TMOD1: variants seen among roughly 807,000 people sequenced by gnomAD.
TMOD1 encodes the protein tropomodulin 1.
A neutral mutation model predicts 40.6 loss-of-function variants in TMOD1; 17 were observed. The observed-to-expected ratio is 0.42, with a 90% CI of 0.29 to 0.63. The LOEUF is 0.63. Ranked by LOEUF, TMOD1 falls within the 20% of genes least tolerant of loss-of-function variation. The probability of loss-of-function intolerance (pLI) is 0.22; values close to 1 mark genes in which losing one functional copy is unlikely to be tolerated. For synonymous variants in TMOD1, 181 were observed against 175.0 expected, an observed-to-expected ratio of 1.03 and a Z score of -0.27; for missense variants, 391 against 447.6, an observed-to-expected ratio of 0.87 and a Z score of 1.14.
At position 97,600,375 on chromosome 9, in the gene TMOD1, C is replaced by G. The variant is rs115493726; in HGVS notation, c.*677C>G. 2,413 of 985,948 alleles carry G rather than the reference C, an allele frequency of 2.4e-3. 31 individuals are homozygous for G. The African/African-American group carries it at 0.038, about 15-fold the overall frequency. The allele number at this position is 985,948 out of a possible 1,614,324, so 61.1% of individuals were successfully genotyped here. On this transcript the variant is annotated 3_prime_UTR_variant, in exon 10 of 10. Transcript: ENST00000259365. Reference sequence around the variant, plus strand: ...CAAAAACCAACCTTTCATTACCAATCCCAGGCAACAAACATGTCCCTGAGT... The same window carrying G: ...CAAAAACCAACCTTTCATTACCAATGCCAGGCAACAAACATGTCCCTGAGT...
intron 8 of TMOD1, among the ~76,000 whole-genome samples, chr9:97,589,842 C>T (rs189058757): frequency 3.5e-3 from 529 of 152,016 alleles, no homozygotes; most frequent in African/African-American, 0.012. Flanking sequence ...CTGTCTTTTA[C>T]CTCCTGTTTA....
intron 8 of TMOD1, among the ~76,000 whole-genome samples, chr9:97,573,846 A>G (rs1337113785): frequency 6.6e-6 from 1 of 152,152 alleles, no homozygotes; most frequent in African/African-American, 2.4e-5. Context: ...AAGTTACACA[A>G]AGTCATTTCC....
chr9:97,600,971 AG>A lies in TMOD1; in HGVS notation c.*1275del. 1 of 1,165,822 alleles carries A rather than the reference AG, an allele frequency of 8.6e-7. No individual in the cohort carries two copies. Among genetic ancestry groups the A allele is most frequent in the Non-Finnish European group, 1.1e-6 (1 of 918,112 alleles). 72.2% of individuals were successfully genotyped at this position (1,165,822 alleles called of 1,614,324 possible). On this transcript the variant is annotated 3_prime_UTR_variant, in exon 10 of 10. Coordinates refer to ENST00000259365, the MANE Select transcript of TMOD1 (RefSeq NM_003275.4). ...GTGATTTCAGCAAATCTCATGATAA[AG>A]GACAAGGTCAAGAACTCCAGAGCAC...
chr9:97,571,334 T>G (rs1830814687), intron 8 of TMOD1, among the ~76,000 whole-genome samples: 1 of 152,222 alleles, frequency 6.6e-6, no homozygotes, highest in Admixed American at 6.5e-5. Context: ...TGCTAACCAT[T>G]GCCCTTACCT....
chr9:97,601,055 T>C lies in TMOD1; in HGVS notation c.*1357T>C. The C allele has an allele frequency of 7.7e-7, 1 of 1,303,698 alleles. No individual in the cohort carries two copies. Among genetic ancestry groups the C allele is most frequent in the Non-Finnish European group, 1.0e-6 (1 of 988,662 alleles). 80.8% of individuals were successfully genotyped at this position (1,303,698 alleles called of 1,614,324 possible). A position where few individuals can be genotyped will look rare whatever the true frequency, so the allele number is the denominator to read the frequency against. On this transcript the variant is annotated 3_prime_UTR_variant, in exon 10 of 10. Coordinates refer to ENST00000259365, the MANE Select transcript of TMOD1 (RefSeq NM_003275.4). Reference sequence around the variant, plus strand: ...GCCTGCGCACTGAACTGTAAGGCAGTGGGCAGTACAGGGTAACTGGAGGCG... The same window carrying C: ...GCCTGCGCACTGAACTGTAAGGCAGCGGGCAGTACAGGGTAACTGGAGGCG...
intron 7 of TMOD1, 50 bp downstream of exon 7, chr9:97,566,005 A>G: frequency 6.6e-7 from 1 of 1,522,634 alleles, no homozygotes; most frequent in Non-Finnish European, 9.1e-7. Flanking sequence ...CTTGAAACAG[A>G]AGGGTTGAAA....
At chr9:97,515,226 GC>G (rs1350066060) in intron 1 of TMOD1, among the ~76,000 whole-genome samples, 7 of 148,198 alleles carry the variant, frequency 4.7e-5, no homozygotes, top group Non-Finnish European at 1.0e-4. Context: ...AAACCACCAT[GC>G]CAGATCAAGA....
At chr9:97,559,292 C>T (rs983166318) in intron 4 of TMOD1, among the ~76,000 whole-genome samples, 5 of 152,078 alleles carry the variant, frequency 3.3e-5, no homozygotes, top group South Asian at 2.1e-4. Context: ...TTAAAACCCA[C>T]GAGAGCTTGA....
At chr9:97,531,039 C>CCT (rs1554754344) in intron 2 of TMOD1, among the ~76,000 whole-genome samples, 1 of 138,398 alleles carries the variant, frequency 7.2e-6, no homozygotes, top group Non-Finnish European at 1.6e-5. Context: ...CCACACCCAC[C>CCT]CCCCCCACCA....
chr9:97,505,323 T>C (rs998092238), intron 1 of TMOD1, among the ~76,000 whole-genome samples: 1 of 152,134 alleles, frequency 6.6e-6, no homozygotes, highest in Non-Finnish European at 1.5e-5. Flanking sequence ...CTTGCGTCCG[T>C]CCACGCATGT....
chr9:97,533,917 A>G (rs760418505), intron 2 of TMOD1, among the ~76,000 whole-genome samples: 40 of 152,360 alleles, frequency 2.6e-4, no homozygotes, highest in Non-Finnish European at 5.4e-4. Flanking sequence ...TCAGCTCCCC[A>G]GACTTCTCAG....
intron 8 of TMOD1, among the ~76,000 whole-genome samples, chr9:97,570,509 AC>A (rs1373419700): frequency 1.3e-5 from 2 of 150,718 alleles, no homozygotes; most frequent in Non-Finnish European, 2.9e-5. Flanking sequence ...AAATTGGCAC[AC>A]CATGCATCAG....
chr9:97,546,168 C>CAA lies in TMOD1; in HGVS notation c.121-16_121-15insAA, dbSNP rs1830357278. On this transcript the variant is annotated splice_polypyrimidine_tract_variant and intron_variant, in intron 2 of 9. Coordinates refer to ENST00000259365, the MANE Select transcript of TMOD1 (RefSeq NM_003275.4). The stretch of plus-strand genomic sequence containing the variant: ...TCTCTTTCTCTCTCTCCTGCCCCCC[C>CAA]ACAACCTCCAATGTAGAATGCACTG... 3.1e-6 allele frequency: 5 copies of CAA among 1,595,310 alleles called. No homozygotes were observed. Among genetic ancestry groups the CAA allele is most frequent in the African/African-American group, 1.4e-5 (1 of 73,784 alleles).
At chr9:97,533,552 G>C (rs1830134781) in intron 2 of TMOD1, among the ~76,000 whole-genome samples, 1 of 152,210 alleles carries the variant, frequency 6.6e-6, no homozygotes, top group Admixed American at 6.5e-5. Flanking sequence ...TGACTGCCCT[G>C]ACAGACCACC....
At chr9:97,523,285 C>T (rs990184892) in intron 1 of TMOD1, among the ~76,000 whole-genome samples, 4 of 152,144 alleles carry the variant, frequency 2.6e-5, no homozygotes, top group Non-Finnish European at 4.4e-5. Context: ...GTAGGCTTCT[C>T]CAGCAAGAGA....
chr9:97,586,033 T>C (rs900098859), intron 8 of TMOD1, among the ~76,000 whole-genome samples: 3 of 152,046 alleles, frequency 2.0e-5, no homozygotes, highest in East Asian at 1.9e-4. Context: ...TCCAGCTTTG[T>C]TCCGTTGCTG....
intron 2 of TMOD1, among the ~76,000 whole-genome samples, chr9:97,533,919 A>G (rs180915831): frequency 1.3e-4 from 20 of 152,188 alleles, no homozygotes; most frequent in African/African-American, 4.3e-4. Flanking sequence ...AGCTCCCCAG[A>G]CTTCTCAGAG....
rs1168082975 is a variant in TMOD1 at position 97,600,823 on chromosome 9, T to G, written c.*1125T>G. The G allele has an allele frequency of 3.7e-6, 4 of 1,079,046 alleles. No homozygotes were observed. The African/African-American group carries it at 6.7e-5, about 18-fold the overall frequency. 66.8% of individuals were successfully genotyped at this position (1,079,046 alleles called of 1,614,324 possible). A position where few individuals can be genotyped will look rare whatever the true frequency, so the allele number is the denominator to read the frequency against. ...ACTGCTGCCAGATCTCTTTTTAACATCATGTGCGTCTCTTGGGATCCAGCA... is the reference window on the plus strand; with the variant it reads ...ACTGCTGCCAGATCTCTTTTTAACAGCATGTGCGTCTCTTGGGATCCAGCA... On this transcript the variant is annotated 3_prime_UTR_variant, in exon 10 of 10. Transcript: ENST00000259365.
At position 97,568,961 on chromosome 9, in the gene TMOD1, C is replaced by G. The variant is rs1381253343; in HGVS notation, c.794C>G (p.Ser265Cys). 1 of 1,614,084 alleles carries G rather than the reference C, an allele frequency of 6.2e-7. No homozygotes were observed. Among genetic ancestry groups the G allele is most frequent in the Non-Finnish European group, 8.5e-7 (1 of 1,180,024 alleles). The change falls in exon 8 of 10, where the codon TCT (serine) becomes TGT (cysteine). Residue 265 changes from serine (S) to cysteine (C), a missense_variant. By Grantham distance (112) the Ser-to-Cys change is moderately radical. Transcript: ENST00000259365. Reference protein sequence around the residue: ...KTLNVESNFISGAGILRLVEA... With the variant: ...KTLNVESNFICGAGILRLVEA... ...CTGAATGTGGAATCCAACTTCATTT[C>G]TGGAGCTGGGATTCTGCGCCTGGTA...
Sources: gnomAD v4.1 joint callset for allele counts (sites outside exome capture counted in the v4.1 genomes callset) on GRCh38, gnomAD v4.1.1 for gene constraint, MANE v1.5 for transcripts, NCBI Gene and HGNC (gene_info 2026-07-23, HGNC 2026-07-21) for gene names.